The following MAGI1 variants were observed in gnomAD, a reference collection of about 807,000 sequenced individuals.
The protein encoded by MAGI1 is membrane associated guanylate kinase, WW and PDZ domain containing 1.
Under a neutral mutation model 139.9 loss-of-function variants are expected in MAGI1, and 58 were observed. The observed-to-expected ratio is 0.41, with a 90% CI of 0.34 to 0.52. The LOEUF is 0.52. Among genes scored for constraint, MAGI1 ranks in the 20% least tolerant of loss-of-function variants. The probability of loss-of-function intolerance (pLI) is 0.12; values close to 1 mark genes in which losing one functional copy is unlikely to be tolerated. For missense variants in MAGI1, 1,874 were observed against 1,901.6 expected, an observed-to-expected ratio of 0.99 and a Z score of 0.27; for synonymous variants, 812 against 737.9, an observed-to-expected ratio of 1.10 and a Z score of -1.63.
At chr3:65,622,818 C>T (rs1394181324) in intron 1 of MAGI1, among the ~76,000 whole-genome samples, 1 of 152,122 alleles carries the variant, frequency 6.6e-6, no homozygotes. Flanking sequence ...CCGCCCGCCT[C>T]GGCCTCCCAA....
intron 1 of MAGI1, among the ~76,000 whole-genome samples, chr3:66,000,347 T>A (rs141070353): frequency 6.6e-6 from 1 of 152,108 alleles, no homozygotes; most frequent in East Asian, 1.9e-4. Flanking sequence ...CCAATTGGGC[T>A]CAAGAAACCA....
At chr3:65,447,738 C>G (rs1948763423) in intron 7 of MAGI1, among the ~76,000 whole-genome samples, 1 of 152,334 alleles carries the variant, frequency 6.6e-6, no homozygotes, top group East Asian at 1.9e-4. Flanking sequence ...CTTTCCCAAT[C>G]CTCACTTTAC....
intron 2 of MAGI1, among the ~76,000 whole-genome samples, chr3:65,519,820 C>T (rs1275241155): frequency 1.3e-5 from 2 of 152,206 alleles, no homozygotes; most frequent in Non-Finnish European, 2.9e-5. Context: ...GGTTATTCTT[C>T]CCATTAAGAT....
intron 1 of MAGI1, among the ~76,000 whole-genome samples, chr3:65,626,173 T>TC (rs1480684717): frequency 6.6e-6 from 1 of 152,200 alleles, no homozygotes; most frequent in Non-Finnish European, 1.5e-5. Flanking sequence ...GTCTATGATA[T>TC]CCAAAATGCT....
chr3:65,484,769 T>C lies in MAGI1; in HGVS notation c.551-5971A>G, dbSNP rs115554343. Among the ~76,000 whole-genome samples, 1,410 of 152,294 alleles carry C rather than the reference T, an allele frequency of 9.3e-3. 18 individuals are homozygous for C. The highest frequency in any genetic ancestry group is 0.03 in the African/African-American group (1,237 of 41,568). ...TGCTCCTCACCCTGTTACTACCTGCTCATCCTCAGCAACAGTATCTCTGAC... is the reference window on the plus strand; with the variant it reads ...TGCTCCTCACCCTGTTACTACCTGCCCATCCTCAGCAACAGTATCTCTGAC... On this transcript the variant is annotated intron_variant, in intron 3 of 22. Coordinates refer to ENST00000402939, the MANE Select transcript of MAGI1 (RefSeq NM_001033057.2).
chr3:65,570,093 T>C (rs1189385997), intron 2 of MAGI1, among the ~76,000 whole-genome samples: 1 of 146,464 alleles, frequency 6.8e-6, no homozygotes, highest in East Asian at 2.0e-4. Flanking sequence ...ATTATTATTA[T>C]TATTATTATT....
At chr3:65,680,622 T>C (rs141604715) in intron 1 of MAGI1, among the ~76,000 whole-genome samples, 5,033 of 152,230 alleles carry the variant, frequency 0.033, 140 homozygotes, top group Non-Finnish European at 0.047. Flanking sequence ...GGTCTTGCTA[T>C]GTTGTCCAGG....
At chr3:65,923,226 C>CTTTTT (rs72035925) in intron 1 of MAGI1, among the ~76,000 whole-genome samples, 3 of 139,962 alleles carry the variant, frequency 2.1e-5, no homozygotes, top group African/African-American at 5.3e-5. Flanking sequence ...CAACAGACAT[C>CTTTTT]TTTTTTTTTT....
At chr3:65,375,708 A>AAG (rs3836224) in intron 18 of MAGI1, 37 bp downstream of exon 18, 50,584 of 1,372,562 alleles carry the variant, frequency 0.037, 1,450 homozygotes, top group African/African-American at 0.21. Context: ...GAGAGAGAAA[A>AAG]AGAGAGAGAG....
intron 2 of MAGI1, among the ~76,000 whole-genome samples, chr3:65,552,591 G>A (rs896279864): frequency 6.6e-6 from 1 of 152,100 alleles, no homozygotes; most frequent in East Asian, 1.9e-4. Flanking sequence ...CTGGGGACAA[G>A]AAAATGAGGG....
intron 1 of MAGI1, among the ~76,000 whole-genome samples, chr3:65,817,773 G>T (rs2041699034): frequency 6.6e-6 from 1 of 152,148 alleles, no homozygotes; most frequent in African/African-American, 2.4e-5. Context: ...TGTGGCCTCA[G>T]TAAACACCAC....
intron 1 of MAGI1, among the ~76,000 whole-genome samples, chr3:65,705,247 G>A (rs1445956897): frequency 6.6e-6 from 1 of 152,130 alleles, no homozygotes; most frequent in Admixed American, 6.5e-5. Flanking sequence ...GAGTATGTTA[G>A]CTTAACTGAG....
chr3:66,005,296 G>A (rs1217908921), intron 1 of MAGI1, among the ~76,000 whole-genome samples: 1 of 152,052 alleles, frequency 6.6e-6, no homozygotes, highest in Non-Finnish European at 1.5e-5. Flanking sequence ...CAGGAGATGG[G>A]GAGGCAGAGA....
chr3:65,382,065 T>A lies in MAGI1; in HGVS notation c.2513A>T (p.Tyr838Phe). 6.2e-7 allele frequency: 1 copy of A among 1,603,936 alleles called. No individual in the cohort carries two copies. Among genetic ancestry groups the A allele is most frequent in the Non-Finnish European group, 8.5e-7 (1 of 1,174,480 alleles). Residue 838 changes from tyrosine (Y) to phenylalanine (F), a missense_variant, in exon 16 of 23, where the codon TAT (tyrosine) becomes TTT (phenylalanine). Coordinates refer to ENST00000402939, the MANE Select transcript of MAGI1 (RefSeq NM_001033057.2). ...LGGNEPGEPI[Y>F]IGHIVPLGAA... is the part of the protein sequence containing the mutation. ...ACCCAGTGGTACGATGTGACCAATATAAATCTGTTGAGTAATTGAACGATG... is the reference window on the plus strand; with the variant it reads ...ACCCAGTGGTACGATGTGACCAATAAAAATCTGTTGAGTAATTGAACGATG...
intron 5 of MAGI1, among the ~76,000 whole-genome samples, chr3:65,463,461 C>T: frequency 6.6e-6 from 1 of 151,938 alleles, no homozygotes; most frequent in Admixed American, 6.5e-5. Context: ...CTGACTTGAT[C>T]GTGGTGGATA....
At chr3:65,577,996 T>A (rs545959054) in intron 2 of MAGI1, among the ~76,000 whole-genome samples, 2 of 152,330 alleles carry the variant, frequency 1.3e-5, no homozygotes, top group Non-Finnish European at 2.9e-5. Context: ...GAATAAATAA[T>A]GTGATTCTAC....
At chr3:65,389,910 A>G (rs539233625) in intron 14 of MAGI1, among the ~76,000 whole-genome samples, 1 of 152,294 alleles carries the variant, frequency 6.6e-6, no homozygotes, top group East Asian at 1.9e-4. Context: ...GACTCCTAAC[A>G]TTTGATAACC....
intron 2 of MAGI1, among the ~76,000 whole-genome samples, chr3:65,495,603 A>G (rs1046918827): frequency 1.3e-5 from 2 of 152,234 alleles, no homozygotes; most frequent in African/African-American, 4.8e-5. Context: ...GAGACACAGA[A>G]AACAAATATG....
At chr3:65,756,119 T>A (rs1462952372) in intron 1 of MAGI1, among the ~76,000 whole-genome samples, 1 of 152,190 alleles carries the variant, frequency 6.6e-6, no homozygotes, top group Non-Finnish European at 1.5e-5. Flanking sequence ...TAGACTTCTC[T>A]CTTTTCCAAC....
Sources: gnomAD v4.1 joint callset for allele counts (sites outside exome capture counted in the v4.1 genomes callset) on GRCh38, gnomAD v4.1.1 for gene constraint, MANE v1.5 for transcripts, NCBI Gene and HGNC (gene_info 2026-07-23, HGNC 2026-07-21) for gene names.